B3GALT1: variants seen among roughly 807,000 people sequenced by gnomAD.
B3GALT1 encodes the protein UDP-Gal:betaGlcNAc beta 1,3-galactosyltransferase, polypeptide 1.
A neutral mutation model predicts 23.2 loss-of-function variants in B3GALT1; 10 were observed. The ratio of observed to expected loss-of-function variants is 0.43; its 90% CI spans 0.27 to 0.73. B3GALT1 has a LOEUF of 0.73. B3GALT1 is among the 30% of genes least tolerant of loss of function. B3GALT1 has a pLI of 0.21. For synonymous variants in B3GALT1, 156 were observed against 141.5 expected (o/e 1.10, Z -0.73); for missense variants, 299 against 405.4 (o/e 0.74, Z 2.25).
At chr2:167,828,019 T>C (rs1285134004) in intron 4 of B3GALT1, among the ~76,000 whole-genome samples, 2 of 152,126 alleles carry the variant, frequency 1.3e-5, no homozygotes, top group Non-Finnish European at 2.9e-5. Context: ...ACACACAGAA[T>C]TAAGTAAGGG....
chr2:167,514,972 T>C (rs776977579), intron 2 of B3GALT1, among the ~76,000 whole-genome samples: 5 of 152,136 alleles, frequency 3.3e-5, no homozygotes, highest in Non-Finnish European at 5.9e-5. Flanking sequence ...ATGATCATTA[T>C]CTTATTATCA....
chr2:167,846,495 A>G (rs571952348), intron 4 of B3GALT1, among the ~76,000 whole-genome samples: 2 of 152,310 alleles, frequency 1.3e-5, no homozygotes, highest in South Asian at 4.1e-4. Flanking sequence ...TATCTAGCGA[A>G]ACTAAGCATC....
At chr2:167,342,802 G>C (rs1421724382) in intron 1 of B3GALT1, among the ~76,000 whole-genome samples, 1 of 152,040 alleles carries the variant, frequency 6.6e-6, no homozygotes, top group Non-Finnish European at 1.5e-5. Flanking sequence ...GGCTTTGACT[G>C]GTCATGGGGA....
intron 3 of B3GALT1, among the ~76,000 whole-genome samples, chr2:167,651,283 C>T (rs1376440226): frequency 2.0e-5 from 3 of 148,768 alleles, no homozygotes; most frequent in Non-Finnish European, 3.0e-5. Context: ...CGCGCACGTG[C>T]ACACATGTGT....
intron 4 of B3GALT1, among the ~76,000 whole-genome samples, chr2:167,866,165 C>G (rs1690213871): frequency 1.3e-5 from 2 of 152,194 alleles, no homozygotes; most frequent in African/African-American, 4.8e-5. Flanking sequence ...GCCATAGCAT[C>G]TTCCCCAGGA....
intron 3 of B3GALT1, among the ~76,000 whole-genome samples, chr2:167,703,904 C>A (rs189908139): frequency 7.2e-5 from 11 of 151,994 alleles, no homozygotes; most frequent in Admixed American, 1.3e-4. Context: ...ACTCAGGGCC[C>A]GGCGCGGTGG....
Position 167,623,268 on chromosome 2 carries a change from G to C in B3GALT1, c.-409-23641G>C, listed in dbSNP as rs185464839. 2.6e-5 allele frequency among the ~76,000 whole-genome samples: 4 copies of C among 152,214 alleles called. No individual in the cohort carries two copies. The East Asian group carries it at 7.7e-4, about 29-fold the overall frequency. ...TTTGATCCAGCAATCCCATTACTGG[G>C]TATATGCCCAAAGGATTATAAATCA... On this transcript the variant is annotated intron_variant, in intron 2 of 4. Transcript: ENST00000392690.
At chr2:167,770,625 A>G (rs376287920) in intron 3 of B3GALT1, among the ~76,000 whole-genome samples, 34 of 152,160 alleles carry the variant, frequency 2.2e-4, no homozygotes, top group Non-Finnish European at 2.1e-4. Context: ...TAACGTTGAT[A>G]AAGTCTAATT....
intron 1 of B3GALT1, among the ~76,000 whole-genome samples, chr2:167,321,156 A>AC (rs760759892): frequency 2.0e-5 from 3 of 151,894 alleles, no homozygotes; most frequent in African/African-American, 7.2e-5. Flanking sequence ...TGATAATATG[A>AC]CCCCCCAATC....
chr2:167,583,849 C>G (rs1481512281), intron 2 of B3GALT1, among the ~76,000 whole-genome samples: 1 of 152,122 alleles, frequency 6.6e-6, no homozygotes, highest in Admixed American at 6.6e-5. Flanking sequence ...GAAAAAAACC[C>G]AGGCTGCAAG....
In B3GALT1 at chr2:167,579,081, C is replaced by T. The variant is rs1684434077; in HGVS notation, c.-409-67828C>T. Among the ~76,000 whole-genome samples the T allele has an allele frequency of 2.0e-5, 3 of 152,042 alleles. No individual in the cohort carries two copies. In the South Asian group the frequency reaches 6.2e-4, roughly 31 times the overall value. On this transcript the variant is annotated intron_variant, in intron 2 of 4. Coordinates refer to ENST00000392690, the MANE Select transcript of B3GALT1 (RefSeq NM_020981.4). ...CCCAGATAAAATGGCAGTGGCAGGG[C>T]TTAAATCATTTTTTACATTGCTTAT...
At chr2:167,684,935 G>A (rs1686593469) in intron 3 of B3GALT1, among the ~76,000 whole-genome samples, 1 of 151,678 alleles carries the variant, frequency 6.6e-6, no homozygotes, top group Admixed American at 6.6e-5. Context: ...TGACAGTTAG[G>A]GGCATAAACA....
chr2:167,490,923 T>G (rs181481182), intron 2 of B3GALT1, among the ~76,000 whole-genome samples: 166 of 152,312 alleles, frequency 1.1e-3, no homozygotes, highest in African/African-American at 3.8e-3. Flanking sequence ...GTCAAGAAAC[T>G]TGAACTTGGA....
chr2:167,643,884 C>G (rs1553474841), intron 2 of B3GALT1, among the ~76,000 whole-genome samples: 1 of 152,170 alleles, frequency 6.6e-6, no homozygotes, highest in Non-Finnish European at 1.5e-5. Context: ...GGGGACAGCT[C>G]TTTTTGCCAA....
At chr2:167,713,875 T>C in intron 3 of B3GALT1, 2 of 1,588,310 alleles carry the variant, frequency 1.3e-6, no homozygotes, top group Non-Finnish European at 1.7e-6. Context: ...AATAACCTCG[T>C]GAAGCTCCAA....
chr2:167,557,724 T>C (rs1053118692), intron 2 of B3GALT1, among the ~76,000 whole-genome samples: 2 of 152,210 alleles, frequency 1.3e-5, no homozygotes, highest in Non-Finnish European at 2.9e-5. Flanking sequence ...TGTCAGTTTC[T>C]TTAACTCACC....
chr2:167,554,763 C>T lies in B3GALT1; in HGVS notation c.-410+64486C>T, dbSNP rs932843373. Among the ~76,000 whole-genome samples the T allele has an allele frequency of 7.2e-5, 11 of 152,150 alleles. 1 individual carries two copies. The highest frequency in any genetic ancestry group is 7.2e-4 in the Admixed American group (11 of 15,268). On this transcript the variant is annotated intron_variant, in intron 2 of 4. Coordinates refer to ENST00000392690, the MANE Select transcript of B3GALT1 (RefSeq NM_020981.4). ...CTATCCAAAATTTAAGACTAAATTGCTAGTCCAATTAAGCAAAATTAACGT... is the reference window on the plus strand; with the variant it reads ...CTATCCAAAATTTAAGACTAAATTGTTAGTCCAATTAAGCAAAATTAACGT...
chr2:167,854,883 G>C (rs1388402243), intron 4 of B3GALT1, among the ~76,000 whole-genome samples: 2 of 152,176 alleles, frequency 1.3e-5, no homozygotes, highest in Admixed American at 6.5e-5. Context: ...TTCTTCCCAA[G>C]ATAAAATGAG....
intron 1 of B3GALT1, among the ~76,000 whole-genome samples, chr2:167,391,576 A>G (rs1394949734): frequency 6.6e-6 from 1 of 152,232 alleles, no homozygotes; most frequent in Non-Finnish European, 1.5e-5. Context: ...CTAAAGCTCC[A>G]TGTAGATTTA....
Sources: allele counts gnomAD v4.1 joint callset (sites outside exome capture counted in the v4.1 genomes callset), GRCh38; gene constraint gnomAD v4.1.1; transcripts MANE v1.5; gene names NCBI Gene and HGNC (gene_info 2026-07-23, HGNC 2026-07-21).